The following GPC6 variants were observed in gnomAD, a reference collection of about 807,000 sequenced individuals.
The protein encoded by GPC6 is glypican-6.
A neutral mutation model predicts 55.2 loss-of-function variants in GPC6; 14 were observed. The observed-to-expected ratio is 0.25, with a 90% CI of 0.17 to 0.40. The LOEUF is 0.40. Among genes scored for constraint, GPC6 ranks in the 10% least tolerant of loss-of-function variants. The pLI is 1.00. For synonymous variants in GPC6, 278 were observed against 259.6 expected, an observed-to-expected ratio of 1.07 and a Z score of -0.68; for missense variants, 641 against 708.5, an observed-to-expected ratio of 0.90 and a Z score of 1.08.
intron 1 of GPC6, among the ~76,000 whole-genome samples, chr13:93,469,254 T>C (rs1022373817): frequency 2.0e-5 from 3 of 152,206 alleles, no homozygotes; most frequent in Non-Finnish European, 4.4e-5. Flanking sequence ...AATTATTTCT[T>C]ATATTTTTAA....
At position 93,614,128 on chromosome 13, in the gene GPC6, C is replaced by T. The variant is rs368011394; in HGVS notation, c.319+68707C>T. Among the ~76,000 whole-genome samples, 6 of 152,204 alleles carry T rather than the reference C, an allele frequency of 3.9e-5. No individual in the cohort carries two copies. The South Asian group carries it at 8.3e-4, about 21-fold the overall frequency. On this transcript the variant is annotated intron_variant, in intron 2 of 8. Transcript: ENST00000377047. Reference sequence around the variant, plus strand: ...ATGTTTTGATTAGACAGCAAATTATCGGAAACCATGTCAGAAGCTCACTAT... The same window carrying T: ...ATGTTTTGATTAGACAGCAAATTATTGGAAACCATGTCAGAAGCTCACTAT...
chr13:93,928,856 T>TACACACAC (rs10642875), intron 3 of GPC6, among the ~76,000 whole-genome samples: 5,505 of 142,888 alleles, frequency 0.039, 152 homozygotes, highest in East Asian at 0.075. Flanking sequence ...CCCTGTGTGT[T>TACACACAC]ACACACACAC....
At chr13:93,359,532 TGATATGTGC>T (rs1880973697) in intron 1 of GPC6, among the ~76,000 whole-genome samples, 2 of 152,324 alleles carry the variant, frequency 1.3e-5, no homozygotes, top group South Asian at 4.1e-4. Flanking sequence ...TATACATATT[TGATATGTGC>T]AATAGTTGAA....
intron 4 of GPC6, among the ~76,000 whole-genome samples, chr13:94,107,833 A>T (rs577978088): frequency 1.7e-3 from 260 of 152,188 alleles, no homozygotes; most frequent in Non-Finnish European, 3.1e-3. Flanking sequence ...CAAAACCACA[A>T]TGTGATACCA....
At chr13:93,837,577 G>C (rs1252217198) in intron 3 of GPC6, among the ~76,000 whole-genome samples, 1 of 152,176 alleles carries the variant, frequency 6.6e-6, no homozygotes, top group Non-Finnish European at 1.5e-5. Context: ...AACTTCCTGA[G>C]ACATGAAGAC....
chr13:93,623,608 G>A (rs952607959), intron 2 of GPC6, among the ~76,000 whole-genome samples: 7 of 151,726 alleles, frequency 4.6e-5, no homozygotes, highest in Admixed American at 2.0e-4. Context: ...ACAGGCACCC[G>A]CCACCACTTC....
intron 3 of GPC6, among the ~76,000 whole-genome samples, chr13:94,002,123 G>C (rs2140425627): frequency 6.6e-6 from 1 of 152,190 alleles, no homozygotes; most frequent in Non-Finnish European, 1.5e-5. Flanking sequence ...TTGTAAAGGT[G>C]ACAAGAGGCT....
intron 4 of GPC6, among the ~76,000 whole-genome samples, chr13:94,046,573 A>G (rs1883739130): frequency 6.6e-6 from 1 of 152,134 alleles, no homozygotes; most frequent in Non-Finnish European, 1.5e-5. Flanking sequence ...AATTTTCATA[A>G]AGTCACTTTC....
chr13:93,914,095 T>C (rs1877156351), intron 3 of GPC6, among the ~76,000 whole-genome samples: 1 of 152,226 alleles, frequency 6.6e-6, no homozygotes, highest in Non-Finnish European at 1.5e-5. Flanking sequence ...CTTTAAGTTT[T>C]AGGGTACATG....
chr13:93,605,109 T>C (rs145602684), intron 2 of GPC6, among the ~76,000 whole-genome samples: 1 of 152,304 alleles, frequency 6.6e-6, no homozygotes, highest in Admixed American at 6.5e-5. Flanking sequence ...TTGGGCCTTC[T>C]AATTACAAAC....
chr13:93,714,099 A>C (rs900424390), intron 2 of GPC6, among the ~76,000 whole-genome samples: 5 of 151,956 alleles, frequency 3.3e-5, no homozygotes, highest in African/African-American at 9.7e-5. Context: ...GACCTAATTA[A>C]ACTGTCGAGC....
chr13:93,843,324 T>A (rs1259880022), intron 3 of GPC6, among the ~76,000 whole-genome samples: 1 of 152,166 alleles, frequency 6.6e-6, no homozygotes, highest in Admixed American at 6.6e-5. Flanking sequence ...TCCGTAGCTC[T>A]CTTATCATGT....
intron 3 of GPC6, among the ~76,000 whole-genome samples, chr13:93,831,794 TTAAAA>T (rs1194193771): frequency 4.6e-5 from 7 of 151,738 alleles, no homozygotes; most frequent in Admixed American, 1.3e-4. Context: ...ATTCTAATGT[TTAAAA>T]TAATATCTTT....
chr13:94,089,173 A>G (rs542289947), intron 4 of GPC6, among the ~76,000 whole-genome samples: 1 of 152,260 alleles, frequency 6.6e-6, no homozygotes, highest in Non-Finnish European at 1.5e-5. Context: ...TATGCTAATG[A>G]CTGTGCTCTT....
intron 1 of GPC6, among the ~76,000 whole-genome samples, chr13:93,315,936 A>G (rs1320934215): frequency 6.6e-6 from 1 of 152,054 alleles, no homozygotes; most frequent in East Asian, 1.9e-4. Context: ...ATATGCATAT[A>G]TATGAAAAAA....
intron 2 of GPC6, among the ~76,000 whole-genome samples, chr13:93,766,735 A>T (rs1182785239): frequency 6.6e-6 from 1 of 152,116 alleles, no homozygotes; most frequent in South Asian, 2.1e-4. Flanking sequence ...ATTACCAAAA[A>T]AATTCTCTTT....
intron 1 of GPC6, among the ~76,000 whole-genome samples, chr13:93,532,350 G>C (rs1881900431): frequency 6.6e-6 from 1 of 152,084 alleles, no homozygotes; most frequent in Admixed American, 6.6e-5. Context: ...GTGTATATGT[G>C]TGTAGTTGTG....
chr13:93,604,560 T>C (rs1206489198), intron 2 of GPC6, among the ~76,000 whole-genome samples: 1 of 152,130 alleles, frequency 6.6e-6, no homozygotes, highest in Non-Finnish European at 1.5e-5. Flanking sequence ...TACAGTGAGG[T>C]ACCTTTTTTT....
At position 94,347,855 on chromosome 13, in the gene GPC6, T is replaced by G. The variant is rs531515606; in HGVS notation, c.1153-34559T>G. Among the ~76,000 whole-genome samples, 5 of 152,350 alleles carry G rather than the reference T, an allele frequency of 3.3e-5. No individual in the cohort carries two copies. The South Asian group carries it at 1.0e-3, about 32-fold the overall frequency. On this transcript the variant is annotated intron_variant, in intron 6 of 8. Transcript: ENST00000377047. ...CATAACAACCATGTTTGGGATAGTT[T>G]GGGTGAAACCTGAAGAGGCCCGTTA...
Sources: gnomAD v4.1 joint callset for allele counts (sites outside exome capture counted in the v4.1 genomes callset) on GRCh38, gnomAD v4.1.1 for gene constraint, MANE v1.5 for transcripts, NCBI Gene and HGNC (gene_info 2026-07-23, HGNC 2026-07-21) for gene names.